BANK1: variants seen among roughly 807,000 people sequenced by gnomAD.
BANK1 encodes B-cell scaffold protein with ankyrin repeats.
Under a neutral mutation model 94.5 loss-of-function variants are expected in BANK1, and 95 were observed. The ratio of observed to expected loss-of-function variants is 1.00; its 90% CI spans 0.85 to 1.19. The LOEUF (loss-of-function observed/expected upper bound fraction) is 1.19. Ranked by LOEUF, BANK1 falls within the 50% of genes most tolerant of loss-of-function variation. The pLI, the probability that BANK1 is intolerant of heterozygous loss-of-function variation, is 0.00. For synonymous variants in BANK1, 334 were observed against 308.4 expected (o/e 1.08, Z -0.87); for missense variants, 987 against 932.2 (o/e 1.06, Z -0.77).
chr4:102,034,372 G>A (rs754676553), intron 10 of BANK1, among the ~76,000 whole-genome samples: 27 of 152,248 alleles, frequency 1.8e-4, no homozygotes, highest in Middle Eastern at 3.4e-3. Flanking sequence ...GCAAATTCAC[G>A]TATCTGAGAC....
At chr4:102,047,805 T>C (rs2148958266) in intron 11 of BANK1, among the ~76,000 whole-genome samples, 1 of 152,220 alleles carries the variant, frequency 6.6e-6, no homozygotes, top group Admixed American at 6.5e-5. Flanking sequence ...TCAGTTATCC[T>C]GGCTGTCCCA....
intron 7 of BANK1, among the ~76,000 whole-genome samples, chr4:101,953,527 C>G (rs1409431771): frequency 6.6e-6 from 1 of 151,474 alleles, no homozygotes; most frequent in East Asian, 1.9e-4. Context: ...TGCTTGTTTT[C>G]TGGATCTATT....
intron 7 of BANK1, among the ~76,000 whole-genome samples, chr4:101,984,913 C>T (rs532661529): frequency 1.3e-5 from 2 of 152,134 alleles, no homozygotes; most frequent in Admixed American, 6.6e-5. Context: ...AAGCCTATAA[C>T]AATCATTGAT....
In BANK1 at chr4:101,908,071, G is replaced by C. The variant is rs186779814; in HGVS notation, c.1010-9922G>C. On this transcript the variant is annotated intron_variant, in intron 6 of 16. Transcript: ENST00000322953. ...AAAAAACTACTTTAAAGGTCATATG[G>C]AACCAAAAAAGAGCCCGCATTGCCA... 4.4e-4 allele frequency among the ~76,000 whole-genome samples: 67 copies of C among 152,232 alleles called. 1 individual carries two copies. Among genetic ancestry groups the C allele is most frequent in the Middle Eastern group, 6.8e-3 (2 of 294 alleles).
intron 7 of BANK1, among the ~76,000 whole-genome samples, chr4:101,975,405 A>ATT (rs1725089952): frequency 6.6e-6 from 1 of 152,124 alleles, no homozygotes; most frequent in African/African-American, 2.4e-5. Flanking sequence ...TGCTTTTTAT[A>ATT]TTTCCTCTGG....
At chr4:101,818,076 T>C (rs934254653) in intron 1 of BANK1, among the ~76,000 whole-genome samples, 2 of 152,198 alleles carry the variant, frequency 1.3e-5, no homozygotes, top group African/African-American at 4.8e-5. Context: ...TCTTTTGCTA[T>C]GAGCAAGTTT....
At chr4:101,923,313 T>C (rs868465325) in intron 7 of BANK1, among the ~76,000 whole-genome samples, 3 of 151,856 alleles carry the variant, frequency 2.0e-5, no homozygotes, top group South Asian at 2.1e-4. Flanking sequence ...TATATGTACA[T>C]GCTTTACATA....
chr4:101,906,975 G>C (rs1265306059), intron 6 of BANK1, among the ~76,000 whole-genome samples: 1 of 152,150 alleles, frequency 6.6e-6, no homozygotes. Context: ...CTTCAGAGCT[G>C]AGAGCCCCGA....
intron 11 of BANK1, among the ~76,000 whole-genome samples, chr4:102,049,634 C>T (rs1398315420): frequency 6.6e-6 from 1 of 152,210 alleles, no homozygotes; most frequent in African/African-American, 2.4e-5. Flanking sequence ...AGAGGGCCAC[C>T]CACCCAGGAA....
At chr4:102,013,128 C>G (rs543567925) in intron 7 of BANK1, among the ~76,000 whole-genome samples, 4 of 152,170 alleles carry the variant, frequency 2.6e-5, no homozygotes, top group African/African-American at 9.6e-5. Context: ...TTTTTTGCTA[C>G]TATCTGGTAC....
Position 101,918,102 on chromosome 4 carries a change from G to A in BANK1, c.1119G>A (p.Lys373=), listed in dbSNP as rs747383274. ...LQCSGATWAS[K]MKNMEGSDPA... ...GTTCAGGAGCAACCTGGGCATCTAA[G>A]ATGAAAAATATGGAGGGTTCAGACC... is the stretch of plus-strand genomic sequence containing the variant. Residue 373 remains lysine (K), a synonymous_variant, in exon 7 of 17, where the codon AAG becomes AAA. Coordinates refer to ENST00000322953, the MANE Select transcript of BANK1 (RefSeq NM_017935.5). 6.2e-7 allele frequency: 1 copy of A among 1,612,134 alleles called. No individual in the cohort carries two copies. Among genetic ancestry groups the A allele is most frequent in the Admixed American group, 1.7e-5 (1 of 59,834 alleles).
intron 1 of BANK1, among the ~76,000 whole-genome samples, chr4:101,826,328 G>A (rs570798044): frequency 6.6e-6 from 1 of 152,128 alleles, no homozygotes; most frequent in Admixed American, 6.5e-5. Context: ...AGGGCAGACT[G>A]CCCGCATTGG....
intron 7 of BANK1, among the ~76,000 whole-genome samples, chr4:101,940,907 A>G (rs1402811917): frequency 6.6e-6 from 1 of 151,684 alleles, no homozygotes; most frequent in Non-Finnish European, 1.5e-5. Flanking sequence ...ACTTTTTGGA[A>G]GGACGTCACT....
chr4:101,834,805 A>C (rs1250790784), intron 2 of BANK1, among the ~76,000 whole-genome samples: 1 of 152,202 alleles, frequency 6.6e-6, no homozygotes, highest in East Asian at 1.9e-4. Context: ...CAGGAAAGTC[A>C]TGGAAATAAT....
chr4:101,880,988 C>A (rs1459972605), intron 5 of BANK1, among the ~76,000 whole-genome samples: 2 of 151,976 alleles, frequency 1.3e-5, no homozygotes, highest in African/African-American at 4.8e-5. Flanking sequence ...AACATTGGAA[C>A]AACTCTCCAG....
intron 7 of BANK1, among the ~76,000 whole-genome samples, chr4:102,005,128 A>T (rs1021235353): frequency 9.9e-5 from 15 of 152,084 alleles, no homozygotes; most frequent in African/African-American, 3.6e-4. Flanking sequence ...TAAATGCTAA[A>T]ATAGATGTTC....
At position 102,000,127 on chromosome 4, in the gene BANK1, C is replaced by T. The variant is rs535273483; in HGVS notation, c.1207-21387C>T. ...TCATCTGAGGTCAGGAGTTTGAGAC[C>T]AGCCTGACCAACATGGTGAAACCCC... On this transcript the variant is annotated intron_variant, in intron 7 of 16. Coordinates refer to ENST00000322953, the MANE Select transcript of BANK1 (RefSeq NM_017935.5). 3.3e-5 allele frequency among the ~76,000 whole-genome samples: 5 copies of T among 152,032 alleles called. No individual in the cohort carries two copies. The South Asian group carries it at 6.3e-4, about 19-fold the overall frequency.
At chr4:102,069,484 T>C (rs1392845856) in intron 13 of BANK1, among the ~76,000 whole-genome samples, 1 of 152,228 alleles carries the variant, frequency 6.6e-6, no homozygotes, top group Non-Finnish European at 1.5e-5. Context: ...GGTTAGGATG[T>C]GGAACTGGAT....
At chr4:102,021,997 G>T (rs1293928514) in intron 8 of BANK1, among the ~76,000 whole-genome samples, 1 of 151,930 alleles carries the variant, frequency 6.6e-6, no homozygotes, top group African/African-American at 2.4e-5. Context: ...CCTAATATCT[G>T]TGATTCTACA....
Sources: gnomAD v4.1 joint callset for allele counts (sites outside exome capture counted in the v4.1 genomes callset) on GRCh38, gnomAD v4.1.1 for gene constraint, MANE v1.5 for transcripts, NCBI Gene and HGNC (gene_info 2026-07-23, HGNC 2026-07-21) for gene names.